The following TRANK1 variants were observed in gnomAD, a reference collection of about 807,000 sequenced individuals.
TRANK1 encodes the protein tetratricopeptide repeat and ankyrin repeat containing 1.
TRANK1 carries 198 observed loss-of-function variants against 266.0 expected under a neutral mutation model. The observed-to-expected ratio is 0.74, with a 90% CI of 0.66 to 0.84. TRANK1 has a LOEUF of 0.84. TRANK1 is among the 40% of genes least tolerant of loss of function. The probability of loss-of-function intolerance (pLI) is 0.00; values close to 1 mark genes in which losing one functional copy is unlikely to be tolerated. For synonymous variants in TRANK1, 1,396 were observed against 1,384.1 expected, an observed-to-expected ratio of 1.01 and a Z score of -0.19; for missense variants, 3,326 against 3,634.6, an observed-to-expected ratio of 0.92 and a Z score of 2.18.
chr3:36,888,221 G>T (rs1469570739), intron 8 of TRANK1, among the ~76,000 whole-genome samples: 2 of 152,164 alleles, frequency 1.3e-5, no homozygotes, highest in African/African-American at 4.8e-5. Flanking sequence ...AAAATATGCT[G>T]GTGAAAGAAG....
At position 36,860,900 on chromosome 3, in the gene TRANK1, T is replaced by C. The variant is rs1296382075; in HGVS notation, c.1495+6A>G. The C allele has an allele frequency of 6.5e-7, 1 of 1,537,036 alleles. No homozygotes were observed. On this transcript the variant is annotated splice_donor_region_variant and intron_variant, in intron 11 of 23. Transcript: ENST00000645898. ...TCTCCAACGCTTAGCATCCAGTCACTCTCACCTCCACTGTCTATCAGGCAG... is the reference window on the plus strand; with the variant it reads ...TCTCCAACGCTTAGCATCCAGTCACCCTCACCTCCACTGTCTATCAGGCAG...
In TRANK1 at chr3:36,880,440, G is replaced by A. The variant is rs114175176; in HGVS notation, c.908-6144C>T. 380 of 233,708 alleles carry A rather than the reference G, an allele frequency of 1.6e-3. 3 individuals are homozygous for A. The highest frequency in any genetic ancestry group is 8.5e-3 in the African/African-American group (363 of 42,708). The allele number at this position is 233,708 out of a possible 1,614,324, so 14.5% of individuals were successfully genotyped here. A position where few individuals can be genotyped will look rare whatever the true frequency, so the allele number is the denominator to read the frequency against. On this transcript the variant is annotated intron_variant, in intron 8 of 23. Coordinates refer to ENST00000645898, the MANE Select transcript of TRANK1 (RefSeq NM_001329998.2). ...TTTGCTCTCATCAGATTTACTGTGA[G>A]ATAAAGTATTTTGTAATTCCTTTTC...
At chr3:36,926,437 C>T (rs999542032) in intron 1 of TRANK1, among the ~76,000 whole-genome samples, 27 of 152,072 alleles carry the variant, frequency 1.8e-4, no homozygotes, top group African/African-American at 3.1e-4. Flanking sequence ...TAGACTATAC[C>T]GTTTACATGC....
chr3:36,850,020 C>G (rs188361248), intron 15 of TRANK1: 1 of 985,442 alleles, frequency 1.0e-6, no homozygotes, highest in East Asian at 1.1e-4. Flanking sequence ...AGGTAAGACA[C>G]ATAACTGGAT....
intron 4 of TRANK1, among the ~76,000 whole-genome samples, chr3:36,897,048 T>G (rs2125614333): frequency 6.6e-6 from 1 of 152,042 alleles, no homozygotes; most frequent in South Asian, 2.1e-4. Context: ...AAGGCTGTAA[T>G]CCCAGCACTT....
intron 8 of TRANK1, among the ~76,000 whole-genome samples, chr3:36,875,149 G>C (rs961541862): frequency 6.6e-5 from 10 of 152,092 alleles, no homozygotes; most frequent in African/African-American, 2.2e-4. Flanking sequence ...TACTAGCCTA[G>C]GTGCTGCTGT....
chr3:36,848,469 G>A (rs1388672808), intron 15 of TRANK1, among the ~76,000 whole-genome samples: 2 of 152,180 alleles, frequency 1.3e-5, no homozygotes, highest in African/African-American at 4.8e-5. Context: ...TCTTGTGAGA[G>A]TAGCTCTCCT....
At chr3:36,886,788 T>C (rs2079612579) in intron 8 of TRANK1, among the ~76,000 whole-genome samples, 1 of 152,108 alleles carries the variant, frequency 6.6e-6, no homozygotes, top group African/African-American at 2.4e-5. Flanking sequence ...AGCACGCATC[T>C]GTACTCCCAG....
intron 6 of TRANK1, 142 bp from the exon 7 acceptor site, chr3:36,892,482 T>C (rs950156602): frequency 1.5e-5 from 16 of 1,101,852 alleles, no homozygotes; most frequent in Admixed American, 5.7e-5. Flanking sequence ...AATAACAAAT[T>C]TGTGGTAAGG....
intron 1 of TRANK1, among the ~76,000 whole-genome samples, chr3:36,924,918 C>A (rs1461737330): frequency 6.6e-6 from 1 of 152,172 alleles, no homozygotes; most frequent in Non-Finnish European, 1.5e-5. Context: ...TCTGCTCCTG[C>A]TAAAAACAGC....
intron 22 of TRANK1, among the ~76,000 whole-genome samples, chr3:36,830,434 C>A (rs1275516941): frequency 1.3e-5 from 2 of 152,142 alleles, no homozygotes; most frequent in Admixed American, 1.3e-4. Flanking sequence ...GCTAGACCAG[C>A]TACACACTTC....
intron 4 of TRANK1, among the ~76,000 whole-genome samples, chr3:36,897,897 G>C (rs2079815822): frequency 6.6e-6 from 1 of 152,184 alleles, no homozygotes; most frequent in African/African-American, 2.4e-5. Context: ...TTCTGGTTTT[G>C]CCTGATCTGG....
intron 2 of TRANK1, among the ~76,000 whole-genome samples, chr3:36,905,269 A>T (rs186768184): frequency 7.9e-4 from 118 of 149,440 alleles, no homozygotes; most frequent in African/African-American, 2.6e-3. Flanking sequence ...CTAGCCTGGG[A>T]GACAGAGCAA....
intron 1 of TRANK1, among the ~76,000 whole-genome samples, chr3:36,928,796 TA>T (rs113238355): frequency 1.0e-3 from 152 of 151,432 alleles, no homozygotes; most frequent in African/African-American, 3.1e-3. Context: ...AAACTTTACT[TA>T]AAAAAAAAGT....
intron 18 of TRANK1, among the ~76,000 whole-genome samples, chr3:36,838,940 C>T (rs1052549794): frequency 2.0e-5 from 3 of 152,170 alleles, no homozygotes; most frequent in African/African-American, 7.2e-5. Context: ...AAGCACCCGT[C>T]GAAAAGGTAC....
In TRANK1 at chr3:36,943,660, C is replaced by T. The variant is rs1419558630; in HGVS notation, c.23+1127G>A. Among the ~76,000 whole-genome samples the T allele has an allele frequency of 2.6e-5, 4 of 151,372 alleles. No individual in the cohort carries two copies. The East Asian group carries it at 7.7e-4, about 29-fold the overall frequency. On this transcript the variant is annotated intron_variant, in intron 1 of 23. Transcript: ENST00000645898. Reference sequence around the variant, plus strand: ...CTTTTTTTTTTTTTCTATAAAGGACCAAACAGGATGCCATCCGGATAACAG... The same window carrying T: ...CTTTTTTTTTTTTTCTATAAAGGACTAAACAGGATGCCATCCGGATAACAG...
chr3:36,940,357 G>A (rs534520956), intron 1 of TRANK1, among the ~76,000 whole-genome samples: 8 of 151,950 alleles, frequency 5.3e-5, no homozygotes, highest in East Asian at 2.0e-4. Context: ...AAAATTAGCC[G>A]GGCGTGGTGG....
At chr3:36,859,843 G>T (rs978134164) in intron 11 of TRANK1, among the ~76,000 whole-genome samples, 1 of 152,114 alleles carries the variant, frequency 6.6e-6, no homozygotes, top group Non-Finnish European at 1.5e-5. Context: ...ACTTAAGGAA[G>T]GAGTTTAAAA....
chr3:36,916,002 G>A (rs528484923), intron 1 of TRANK1, among the ~76,000 whole-genome samples: 3 of 152,254 alleles, frequency 2.0e-5, no homozygotes, highest in South Asian at 2.1e-4. Flanking sequence ...CCATCAGAGG[G>A]TCTTGGAATT....
Sources: gnomAD v4.1 joint callset for allele counts (sites outside exome capture counted in the v4.1 genomes callset) on GRCh38, gnomAD v4.1.1 for gene constraint, MANE v1.5 for transcripts, NCBI Gene and HGNC (gene_info 2026-07-23, HGNC 2026-07-21) for gene names.